ROCK1: variants seen among roughly 807,000 people sequenced by gnomAD.
The protein encoded by ROCK1 is rho-associated protein kinase 1.
ROCK1 carries 36 observed loss-of-function variants against 196.8 expected under a neutral mutation model. That is an observed-to-expected ratio of 0.18 (90% CI 0.14 to 0.24). The LOEUF (loss-of-function observed/expected upper bound fraction) is 0.24, where lower values mean the gene tolerates loss of function less well. Ranked by LOEUF, ROCK1 falls within the 10% of genes least tolerant of loss-of-function variation. The pLI is 1.00. For synonymous variants in ROCK1, 443 were observed against 515.9 expected, an observed-to-expected ratio of 0.86 and a Z score of 1.91; for missense variants, 920 against 1,562.0, an observed-to-expected ratio of 0.59 and a Z score of 6.93.
At chr18:21,016,303 A>G (rs1166842964) in intron 12 of ROCK1, among the ~76,000 whole-genome samples, 6 of 152,352 alleles carry the variant, frequency 3.9e-5, no homozygotes, top group African/African-American at 1.4e-4. Flanking sequence ...TCCACGTTTA[A>G]GGACTTCAAA....
Position 21,042,233 on chromosome 18 carries a change from C to A in ROCK1, c.823G>T (p.Asp275Tyr). 6.4e-7 allele frequency: 1 copy of A among 1,559,500 alleles called. No individual in the cohort carries two copies. Among genetic ancestry groups the A allele is most frequent in the Non-Finnish European group, 8.6e-7 (1 of 1,161,302 alleles). ...AAAGAATCTGCATAAAAAGGTGTATCACCTGAAAAATTGATAAAGAAAACA... is the reference window on the plus strand; with the variant it reads ...AAAGAATCTGCATAAAAAGGTGTATAACCTGAAAAATTGATAAAGAAAACA... ...GVFLYEMLVG[D>Y]TPFYADSLVG... Residue 275 changes from aspartate (D) to tyrosine (Y), a missense_variant and splice_region_variant, in exon 8 of 33, where the codon GAT (aspartate) becomes TAT (tyrosine). Transcript: ENST00000399799.
intron 27 of ROCK1, 47 bp downstream of exon 27, chr18:20,966,870 T>C (rs751215029): frequency 1.4e-6 from 2 of 1,428,740 alleles, no homozygotes; most frequent in Non-Finnish European, 9.6e-7. Context: ...TATACACTAA[T>C]TTCCATGACA....
intron 9 of ROCK1, among the ~76,000 whole-genome samples, chr18:21,033,490 G>A (rs2036027857): frequency 6.6e-6 from 1 of 151,906 alleles, no homozygotes; most frequent in South Asian, 2.1e-4. Flanking sequence ...GAGTAATTAG[G>A]CAAGAATGAT....
At chr18:21,093,483 T>C (rs1458305689) in intron 1 of ROCK1, among the ~76,000 whole-genome samples, 1 of 152,176 alleles carries the variant, frequency 6.6e-6, no homozygotes, top group African/African-American at 2.4e-5. Context: ...TTTTACAGAT[T>C]GAGAAAACTG....
At chr18:21,095,891 C>T (rs1290748549) in intron 1 of ROCK1, among the ~76,000 whole-genome samples, 1 of 151,516 alleles carries the variant, frequency 6.6e-6, no homozygotes, top group Non-Finnish European at 1.5e-5. Flanking sequence ...GGATGGATAC[C>T]TCATTTTCCA....
At chr18:21,008,280 AC>A in intron 13 of ROCK1, 86 bp from the exon 14 acceptor site, 2 of 1,031,154 alleles carry the variant, frequency 1.9e-6, no homozygotes, top group Non-Finnish European at 2.7e-6. Context: ...AAAACAAAAA[AC>A]AAGAAAAAAA....
At position 20,947,957 on chromosome 18, in the gene ROCK1, A is replaced by G. The variant is rs2143303135; in HGVS notation, c.*3427T>C. On this transcript the variant is annotated 3_prime_UTR_variant, in exon 33 of 33. Coordinates refer to ENST00000399799, the MANE Select transcript of ROCK1 (RefSeq NM_005406.3). ...AAACCCTGTCTCTACTAAAAATACA[A>G]AAATTAGCTGGGCATGGTGGTGGGC... The G allele has an allele frequency of 1.3e-5, 2 of 151,978 alleles. 1 individual carries two copies. Among genetic ancestry groups the G allele is most frequent in the South Asian group, 4.2e-4 (2 of 4,794 alleles). 9.4% of individuals were successfully genotyped at this position (151,978 alleles called of 1,614,324 possible). A position where few individuals can be genotyped will look rare whatever the true frequency, so the allele number is the denominator to read the frequency against.
chr18:20,995,271 A>T (rs1385651047), intron 16 of ROCK1, among the ~76,000 whole-genome samples: 3 of 152,236 alleles, frequency 2.0e-5, no homozygotes. Context: ...GTACCAAAAC[A>T]TCCCATAAGT....
At chr18:20,975,701 C>T (rs1190113523) in intron 22 of ROCK1, among the ~76,000 whole-genome samples, 2 of 152,164 alleles carry the variant, frequency 1.3e-5, no homozygotes, top group Non-Finnish European at 2.9e-5. Flanking sequence ...AGCTCCGCCT[C>T]CCAGGTTCAC....
At chr18:21,101,243 T>A (rs1282752323) in intron 1 of ROCK1, among the ~76,000 whole-genome samples, 3 of 152,218 alleles carry the variant, frequency 2.0e-5, no homozygotes. Flanking sequence ...TATTTTGCTA[T>A]TCCCTAATGA....
intron 1 of ROCK1, among the ~76,000 whole-genome samples, chr18:21,073,762 G>A (rs2036407160): frequency 1.3e-5 from 2 of 152,148 alleles, no homozygotes; most frequent in Admixed American, 1.3e-4. Flanking sequence ...AAAATGGGCT[G>A]ACCACTGGTA....
intron 16 of ROCK1, among the ~76,000 whole-genome samples, chr18:21,004,648 G>A (rs1021121609): frequency 2.6e-5 from 4 of 152,146 alleles, no homozygotes; most frequent in African/African-American, 9.7e-5. Flanking sequence ...GTCAAACACA[G>A]ATCACAAACT....
intron 19 of ROCK1, among the ~76,000 whole-genome samples, chr18:20,984,892 T>C (rs909364790): frequency 2.0e-5 from 3 of 152,066 alleles, no homozygotes; most frequent in African/African-American, 4.8e-5. Context: ...GGCAGGTGGA[T>C]TGCTTGAACC....
chr18:20,951,714 A>C (rs1357986866), intron 32 of ROCK1, among the ~76,000 whole-genome samples: 1 of 152,138 alleles, frequency 6.6e-6, no homozygotes, highest in Non-Finnish European at 1.5e-5. Context: ...GGTGGCTGAG[A>C]AAGGAAAGGA....
At chr18:20,983,859 T>A (rs2035555091) in intron 20 of ROCK1, among the ~76,000 whole-genome samples, 2 of 152,168 alleles carry the variant, frequency 1.3e-5, no homozygotes, top group Admixed American at 6.5e-5. Context: ...ATAAGATATA[T>A]CCACTTTTGA....
intron 1 of ROCK1, among the ~76,000 whole-genome samples, chr18:21,102,161 T>G (rs1168655468): frequency 6.6e-6 from 1 of 152,230 alleles, no homozygotes; most frequent in Admixed American, 6.5e-5. Flanking sequence ...CCACATCTCA[T>G]GCAAATCCTA....
intron 19 of ROCK1, among the ~76,000 whole-genome samples, chr18:20,986,662 T>A (rs1252144588): frequency 1.3e-5 from 2 of 152,222 alleles, no homozygotes; most frequent in Non-Finnish European, 2.9e-5. Context: ...ACTTTTTTTT[T>A]CTTTAAAGCA....
intron 2 of ROCK1, among the ~76,000 whole-genome samples, chr18:21,055,436 G>A (rs968863534): frequency 1.1e-4 from 17 of 152,134 alleles, no homozygotes; most frequent in Admixed American, 2.0e-4. Context: ...ACCCTGAAAC[G>A]AACGAAACAA....
intron 1 of ROCK1, among the ~76,000 whole-genome samples, chr18:21,100,006 A>G (rs2036644779): frequency 6.6e-6 from 1 of 152,208 alleles, no homozygotes; most frequent in African/African-American, 2.4e-5. Context: ...ACTGCACTCC[A>G]GTCTGGGCGA....
Sources: gnomAD v4.1 joint callset for allele counts (sites outside exome capture counted in the v4.1 genomes callset) on GRCh38, gnomAD v4.1.1 for gene constraint, MANE v1.5 for transcripts, NCBI Gene and HGNC (gene_info 2026-07-23, HGNC 2026-07-21) for gene names.